Variants in HTR2C observed in about 807,000 individuals in gnomAD.
HTR2C encodes 5-hydroxytryptamine (serotonin) receptor 2C, G protein-coupled.
Under a neutral mutation model 21.0 loss-of-function variants are expected in HTR2C, and 5 were observed. That is an observed-to-expected ratio of 0.24 (90% CI 0.12 to 0.50). The LOEUF (loss-of-function observed/expected upper bound fraction) is 0.50. Ranked by LOEUF, HTR2C falls within the 20% of genes least tolerant of loss-of-function variation. The pLI is 0.98. For missense variants in HTR2C, 271 were observed against 371.2 expected (o/e 0.73, Z 2.22); for synonymous variants, 150 against 145.3 (o/e 1.03, Z -0.23).
chrX:114,603,174 C>T (rs1400485472), intron 1 of HTR2C, among the ~76,000 whole-genome samples: 10 of 111,103 alleles, frequency 9.0e-5, no homozygotes, highest in African/African-American at 1.3e-4. Flanking sequence ...TGTGGGAGGC[C>T]GGATTGAAGT....
chrX:114,747,229 G>T (rs781950763), intron 4 of HTR2C, among the ~76,000 whole-genome samples: 1 of 111,921 alleles, frequency 8.9e-6, no homozygotes, highest in African/African-American at 3.2e-5. Context: ...TGGAAGGGAA[G>T]TTCCTCAACT....
chrX:114,672,194 T>C (rs1196571736), intron 2 of HTR2C, among the ~76,000 whole-genome samples: 9 of 111,711 alleles, frequency 8.1e-5, no homozygotes, highest in African/African-American at 2.9e-4. Flanking sequence ...TGAAATGTGG[T>C]GTATAATCAT....
At chrX:114,812,733 GAAAC>G (rs1413841175) in intron 4 of HTR2C, among the ~76,000 whole-genome samples, 1 of 76,620 alleles carries the variant, frequency 1.3e-5, no homozygotes, top group Admixed American at 1.8e-4. Context: ...CATCCCAAAA[GAAAC>G]AAACAAACAA....
chrX:114,800,353 T>C (rs1556446462), intron 4 of HTR2C, among the ~76,000 whole-genome samples: 3 of 111,324 alleles, frequency 2.7e-5, no homozygotes, highest in Non-Finnish European at 5.7e-5. Context: ...GAAAAATACA[T>C]TTTGTGGGAA....
rs370880710 is a variant in HTR2C, at chrX:114,602,209, G to A, written c.-146-11606G>A. ...ATGGCTTCGAGAAACAGTGTAAACC[G>A]GCAGTGTAAACAAGAGCAGGGCATG... On this transcript the variant is annotated intron_variant, in intron 1 of 5. Coordinates refer to ENST00000276198, the MANE Select transcript of HTR2C (RefSeq NM_000868.4). Among the ~76,000 whole-genome samples, 21 of 27,401 alleles carry A rather than the reference G, an allele frequency of 7.7e-4. 4 individuals carry two copies. The highest frequency in any genetic ancestry group is 0.027 in the Middle Eastern group (2 of 73). The allele number at this position is 27,401 out of a possible 115,157, so 23.8% of individuals were successfully genotyped here. A position where few individuals can be genotyped will look rare whatever the true frequency, so the allele number is the denominator to read the frequency against.
chrX:114,591,923 C>T (rs1450757406), intron 1 of HTR2C, among the ~76,000 whole-genome samples: 1 of 111,801 alleles, frequency 8.9e-6, no homozygotes. Flanking sequence ...TGATTTCTCT[C>T]TTTCCTACTC....
chrX:114,740,408 A>G (rs2069633508), intron 4 of HTR2C, among the ~76,000 whole-genome samples: 1 of 110,670 alleles, frequency 9.0e-6, no homozygotes, highest in Admixed American at 9.7e-5. Flanking sequence ...AAATCTGACA[A>G]CACTGAAAAA....
Position 114,851,108 on chromosome X carries a change from C to G in HTR2C, c.550+2905C>G, listed in dbSNP as rs782378323. On this transcript the variant is annotated intron_variant, in intron 5 of 5. Coordinates refer to ENST00000276198, the MANE Select transcript of HTR2C (RefSeq NM_000868.4). ...ACATATGTAATATACATAGTATATA[C>G]ATTATAAAGTAAAAGAGGACAGAAC... Among the ~76,000 whole-genome samples, 80 of 111,504 alleles carry G rather than the reference C, an allele frequency of 7.2e-4. 1 individual carries two copies. Among genetic ancestry groups the G allele is most frequent in the African/African-American group, 2.5e-3 (76 of 30,737 alleles).
chrX:114,885,417 C>T (rs948878630), intron 5 of HTR2C, among the ~76,000 whole-genome samples: 29 of 110,779 alleles, frequency 2.6e-4, no homozygotes, highest in Non-Finnish European at 4.5e-4. Context: ...AACAAAATCA[C>T]CTAACAACAC....
At chrX:114,797,626 G>C (rs1468203261) in intron 4 of HTR2C, among the ~76,000 whole-genome samples, 1 of 111,815 alleles carries the variant, frequency 8.9e-6, no homozygotes, top group African/African-American at 3.2e-5. Context: ...AATAGGGTTA[G>C]TGTCTATAAA....
chrX:114,599,017 C>T (rs781818954), intron 1 of HTR2C, among the ~76,000 whole-genome samples: 6 of 111,459 alleles, frequency 5.4e-5, no homozygotes, highest in Non-Finnish European at 1.1e-4. Flanking sequence ...GGTTCACTGC[C>T]TCTTGAAGCC....
At chrX:114,711,935 G>T (rs1000111329) in intron 2 of HTR2C, among the ~76,000 whole-genome samples, 2 of 111,630 alleles carry the variant, frequency 1.8e-5, no homozygotes, top group Non-Finnish European at 3.8e-5. Context: ...TATAAAAGAA[G>T]ATTTGTATCA....
At chrX:114,830,487 A>G (rs1164755300) in intron 4 of HTR2C, among the ~76,000 whole-genome samples, 1 of 111,248 alleles carries the variant, frequency 9.0e-6, no homozygotes, top group Admixed American at 9.6e-5. Flanking sequence ...TGTTTTGGGT[A>G]TATGTGCACA....
chrX:114,734,745 T>C (rs2069574216), intron 4 of HTR2C, among the ~76,000 whole-genome samples: 1 of 110,288 alleles, frequency 9.1e-6, no homozygotes. Flanking sequence ...TATTTTGTTA[T>C]TATGAAACTG....
Position 114,832,637 on chromosome X carries a change from G to A in HTR2C, c.350-15366G>A, listed in dbSNP as rs371271141. On this transcript the variant is annotated intron_variant, in intron 4 of 5. Coordinates refer to ENST00000276198, the MANE Select transcript of HTR2C (RefSeq NM_000868.4). ...GGTTTTCTAGATATACAATCATGTC[G>A]TCTGCAAACAGGGGCAATTTGACTT... Among the ~76,000 whole-genome samples, 4 of 34,915 alleles carry A rather than the reference G, an allele frequency of 1.1e-4. 1 individual carries two copies. Among genetic ancestry groups the A allele is most frequent in the African/African-American group, 1.7e-4 (3 of 17,192 alleles). The allele number at this position is 34,915 out of a possible 115,157, so 30.3% of individuals were successfully genotyped here.
intron 2 of HTR2C, among the ~76,000 whole-genome samples, chrX:114,641,015 CCTTT>C (rs1204640837): frequency 4.0e-5 from 2 of 50,512 alleles, no homozygotes; most frequent in Admixed American, 3.2e-4. Flanking sequence ...CTTTCCTTCT[CCTTT>C]CTTTCTTTCT....
chrX:114,622,878 A>T (rs782797414), intron 2 of HTR2C, among the ~76,000 whole-genome samples: 2 of 112,145 alleles, frequency 1.8e-5, no homozygotes, highest in African/African-American at 6.5e-5. Context: ...CAAATCAGAA[A>T]CAATTACCTA....
At position 114,604,152 on chromosome X, in the gene HTR2C, G is replaced by T. The variant is rs111728895; in HGVS notation, c.-146-9663G>T. The stretch of plus-strand genomic sequence containing the variant: ...GTATCTTATACTTGTGGGTTAAGGT[G>T]GGGGGATACAAGAGGAGGACGCAAA... On this transcript the variant is annotated intron_variant, in intron 1 of 5. Transcript: ENST00000276198. Among the ~76,000 whole-genome samples, 348 of 108,593 alleles carry T rather than the reference G, an allele frequency of 3.2e-3. 3 individuals carry two copies. Among genetic ancestry groups the T allele is most frequent in the East Asian group, 0.015 (49 of 3,338 alleles). 94.3% of individuals were successfully genotyped at this position (108,593 alleles called of 115,157 possible). A position where few individuals can be genotyped will look rare whatever the true frequency, so the allele number is the denominator to read the frequency against.
At chrX:114,729,711 A>G (rs1349958571) in intron 3 of HTR2C, among the ~76,000 whole-genome samples, 2 of 111,777 alleles carry the variant, frequency 1.8e-5, no homozygotes, top group East Asian at 5.6e-4. Context: ...GTAGTCAGCA[A>G]TGAGTCCATT....
Sources: gnomAD v4.1 joint callset for allele counts (sites outside exome capture counted in the v4.1 genomes callset) on GRCh38, gnomAD v4.1.1 for gene constraint, MANE v1.5 for transcripts, NCBI Gene and HGNC (gene_info 2026-07-23, HGNC 2026-07-21) for gene names.